The following WWP2 variants were observed in gnomAD, a reference collection of about 807,000 sequenced individuals.
WWP2 encodes the protein WW domain containing E3 ubiquitin protein ligase 2.
Under a neutral mutation model 121.0 loss-of-function variants are expected in WWP2, and 57 were observed. The observed-to-expected ratio is 0.47, with a 90% CI of 0.38 to 0.59. The LOEUF is 0.59. Ranked by LOEUF, WWP2 falls within the 20% of genes least tolerant of loss-of-function variation. The pLI is 0.00. For synonymous variants in WWP2, 449 were observed against 441.3 expected (o/e 1.02, Z -0.22); for missense variants, 962 against 1,158.9 (o/e 0.83, Z 2.47).
At chr16:69,805,316 G>A (rs189722434) in intron 4 of WWP2, among the ~76,000 whole-genome samples, 114 of 152,184 alleles carry the variant, frequency 7.5e-4, no homozygotes, top group Admixed American at 1.1e-3. Flanking sequence ...GATTACAGAC[G>A]TGAGTCACTG....
Position 69,925,578 on chromosome 16 carries a change from C to T in WWP2, c.1234+94C>T. ...CGTGTCTTCCTTCCCTGTTCCTGTC[C>T]CTCTGTTTTCCATCTCTCCCCTCTC... On this transcript the variant is annotated intron_variant, in intron 11 of 23. Coordinates refer to ENST00000359154, the MANE Select transcript of WWP2 (RefSeq NM_001270454.2). The surrounding 1 kb of genome is among the most constrained non-coding windows in gnomAD (Gnocchi z 4.0). 2 of 1,474,864 alleles carry T rather than the reference C, an allele frequency of 1.4e-6. No homozygotes were observed. The highest frequency in any genetic ancestry group is 1.8e-6 in the Non-Finnish European group (2 of 1,085,814). The allele number at this position is 1,474,864 out of a possible 1,614,324, so 91.4% of individuals were successfully genotyped here.
chr16:69,823,372 G>T (rs1403711574), intron 4 of WWP2, among the ~76,000 whole-genome samples: 1 of 152,094 alleles, frequency 6.6e-6, no homozygotes, highest in Non-Finnish European at 1.5e-5. Flanking sequence ...GACAGTGCAG[G>T]TCTAGAGGTT....
chr16:69,832,420 C>G (rs1273737554), intron 4 of WWP2, among the ~76,000 whole-genome samples: 4 of 152,082 alleles, frequency 2.6e-5, no homozygotes, highest in Non-Finnish European at 5.9e-5. Flanking sequence ...TCTTAAAAAC[C>G]CAACCCATGA....
intron 4 of WWP2, among the ~76,000 whole-genome samples, chr16:69,828,985 G>A (rs2056750604): frequency 6.6e-6 from 1 of 152,076 alleles, no homozygotes; most frequent in East Asian, 1.9e-4. Flanking sequence ...ACCTCAACAT[G>A]TGCAAGTCAC....
intron 6 of WWP2, among the ~76,000 whole-genome samples, chr16:69,868,582 A>G (rs903691345): frequency 1.3e-5 from 2 of 151,838 alleles, no homozygotes; most frequent in African/African-American, 4.8e-5. Flanking sequence ...TGTCCTAGTA[A>G]AGGGATCCTT....
chr16:69,849,446 G>A (rs75483657), intron 6 of WWP2, among the ~76,000 whole-genome samples: 127 of 152,070 alleles, frequency 8.4e-4, no homozygotes, highest in Non-Finnish European at 1.7e-3. Context: ...TGTTGCTGGG[G>A]AAGACAATGG....
chr16:69,931,973 CTG>C, intron 16 of WWP2, 83 bp downstream of exon 16: 1 of 1,298,368 alleles, frequency 7.7e-7, no homozygotes, highest in African/African-American at 1.5e-5. Flanking sequence ...TGCCTGCCCC[CTG>C]CTCACATTCC....
chr16:69,785,829 T>A (rs1377066056), intron 1 of WWP2, among the ~76,000 whole-genome samples: 1 of 151,876 alleles, frequency 6.6e-6, no homozygotes, highest in Non-Finnish European at 1.5e-5. Flanking sequence ...GTTTCATCAT[T>A]ATGGCCAGGC....
chr16:69,846,009 CA>C (rs1427848652), intron 6 of WWP2, among the ~76,000 whole-genome samples: 1 of 128,938 alleles, frequency 7.8e-6, no homozygotes, highest in Non-Finnish European at 1.6e-5. Flanking sequence ...GAGATCTAGC[CA>C]CTGCACTCCA....
At chr16:69,765,818 C>T (rs547743596) in intron 1 of WWP2, among the ~76,000 whole-genome samples, 1 of 152,076 alleles carries the variant, frequency 6.6e-6, no homozygotes, top group African/African-American at 2.4e-5. Flanking sequence ...AGTGAGACTC[C>T]GTCTTGCTTT....
intron 19 of WWP2, chr16:69,936,660 G>A: frequency 1.5e-6 from 1 of 666,896 alleles, no homozygotes; most frequent in East Asian, 2.9e-5. Flanking sequence ...TCCCAGCTGT[G>A]CTTTTTCGCC....
intron 4 of WWP2, among the ~76,000 whole-genome samples, chr16:69,831,504 A>G (rs772415160): frequency 2.5e-4 from 38 of 152,014 alleles, no homozygotes; most frequent in African/African-American, 5.8e-4. Context: ...CTATTTATCT[A>G]TATTTATTAG....
At chr16:69,802,180 G>A (rs1490601364) in intron 4 of WWP2, among the ~76,000 whole-genome samples, 5 of 151,952 alleles carry the variant, frequency 3.3e-5, no homozygotes, top group African/African-American at 2.4e-5. Context: ...TGCCCGCCTC[G>A]GCCTCCCAAA....
chr16:69,797,875 C>T (rs542869412), intron 2 of WWP2, among the ~76,000 whole-genome samples: 1 of 149,992 alleles, frequency 6.7e-6, no homozygotes, highest in East Asian at 2.0e-4. Flanking sequence ...GCAACAAGAG[C>T]CAAACTCTAT....
chr16:69,908,394 AAAGGGT>A (rs1239065267), intron 8 of WWP2, among the ~76,000 whole-genome samples: 3 of 152,222 alleles, frequency 2.0e-5, no homozygotes, highest in Non-Finnish European at 4.4e-5. Context: ...TTTTGAAGGG[AAAGGGT>A]CCTCAGCTTT....
chr16:69,880,196 T>G (rs974391253), intron 7 of WWP2, among the ~76,000 whole-genome samples: 2 of 151,552 alleles, frequency 1.3e-5, no homozygotes, highest in African/African-American at 4.8e-5. Flanking sequence ...AAATGAGGAC[T>G]GGGTCTAAAT....
chr16:69,822,957 C>G (rs2056620222), intron 4 of WWP2, among the ~76,000 whole-genome samples: 1 of 152,092 alleles, frequency 6.6e-6, no homozygotes, highest in African/African-American at 2.4e-5. Flanking sequence ...GCCAACATGA[C>G]AAAGCTCCAT....
chr16:69,800,541 A>G (rs2056140676), intron 4 of WWP2, among the ~76,000 whole-genome samples: 1 of 150,920 alleles, frequency 6.6e-6, no homozygotes, highest in African/African-American at 2.4e-5. Context: ...CCCTAAGCAC[A>G]GCACCTAGTA....
intron 7 of WWP2, 61 bp from the exon 8 acceptor site, chr16:69,887,978 C>G: frequency 6.3e-7 from 1 of 1,584,454 alleles, no homozygotes; most frequent in Non-Finnish European, 8.6e-7. Flanking sequence ...AAAAACCTAG[C>G]AAGTATAAAT....
Sources: allele counts gnomAD v4.1 joint callset (sites outside exome capture counted in the v4.1 genomes callset), GRCh38; gene constraint gnomAD v4.1.1; non-coding constraint Gnocchi (gnomAD v3.1); transcripts MANE v1.5; gene names NCBI Gene and HGNC (gene_info 2026-07-23, HGNC 2026-07-21).